Variants in SVEP1 observed in about 807,000 individuals in gnomAD.
SVEP1 encodes sushi, von Willebrand factor type A, EGF and pentraxin domain containing 1.
In SVEP1, 164 loss-of-function variants were observed where a neutral mutation model predicts 367.3. The ratio of observed to expected loss-of-function variants is 0.45; its 90% confidence interval spans 0.39 to 0.51. The LOEUF is 0.51. Ranked by LOEUF, SVEP1 falls within the 20% of genes least tolerant of loss-of-function variation. The pLI is 0.00. For synonymous variants in SVEP1, 1,666 were observed against 1,611.6 expected (o/e 1.03, Z -0.81); for missense variants, 4,117 against 4,425.3 (o/e 0.93, Z 1.98).
intron 8 of SVEP1, among the ~76,000 whole-genome samples, chr9:110,490,959 G>C (rs1315543118): frequency 6.6e-6 from 1 of 151,828 alleles, no homozygotes. Context: ...AATAAGATTA[G>C]AAAGCTACTC....
rs756194002 is a variant in SVEP1 at position 110,406,342 on chromosome 9, T to C, written c.9258A>G (p.Ile3086Met). 9 of 1,613,924 alleles carry C rather than the reference T, an allele frequency of 5.6e-6. No individual in the cohort carries two copies. In the Admixed American group the frequency reaches 1.5e-4, roughly 27 times the overall value. Residue 3086 changes from isoleucine to methionine, a missense_variant, in exon 38 of 48, where the codon ATA becomes ATG. Around this residue, in one of 4 missense-constraint regions of SVEP1, gnomAD observed 1,765 missense variants for 1,781.1 expected, o/e 0.99. Coordinates refer to ENST00000374469, the MANE Select transcript of SVEP1 (RefSeq NM_153366.4). ...CATATCCAGACCTGCAGCTGTAAGT[T>C]ATCACATTTTCCTTCCAAGAGCTGG... Reference protein sequence around the residue: ...SETSSWKENVITYSCRSGYVI... With the variant: ...SETSSWKENVMTYSCRSGYVI...
At chr9:110,489,824 C>A (rs368998804) in intron 8 of SVEP1, 45 bp from the exon 9 acceptor site, 4 of 1,562,850 alleles carry the variant, frequency 2.6e-6, no homozygotes, top group South Asian at 1.2e-5. Context: ...GTCAAAAGTG[C>A]GTTTATTCTT....
chr9:110,511,137 A>C (rs1445709513), intron 5 of SVEP1, among the ~76,000 whole-genome samples: 1 of 152,234 alleles, frequency 6.6e-6, no homozygotes, highest in African/African-American at 2.4e-5. Context: ...TAGGGCATTC[A>C]GAAAATTCAC....
rs1434913238 is a variant in SVEP1 at position 110,541,728 on chromosome 9, AATCTATATACATATCTACATAC to A, written c.964+4365_964+4386del. Reference sequence around the variant, plus strand: ...GTTTTGCATACACATACACACATGCAATCTATATACATATCTACATACATCTATATACATAGATATCTATATA... The same window carrying A: ...GTTTTGCATACACATACACACATGCAATCTATATACATAGATATCTATATA... On this transcript the variant is annotated intron_variant, in intron 3 of 47. Coordinates refer to ENST00000374469, the MANE Select transcript of SVEP1 (RefSeq NM_153366.4). 1.1e-4 allele frequency among the ~76,000 whole-genome samples: 17 copies of A among 150,782 alleles called. No individual in the cohort carries two copies. The East Asian group carries it at 1.9e-3, about 17-fold the overall frequency.
At chr9:110,508,504 G>A (rs1266316557) in intron 5 of SVEP1, among the ~76,000 whole-genome samples, 4 of 152,118 alleles carry the variant, frequency 2.6e-5, no homozygotes, top group Non-Finnish European at 5.9e-5. Flanking sequence ...GCTCACGCCT[G>A]TAATCCCGGC....
chr9:110,408,818 G>A lies in SVEP1; in HGVS notation c.6782C>T (p.Pro2261Leu). The change falls in exon 38 of 48, where the codon CCT (proline) becomes CTT (leucine). Residue 2261 changes from proline (P) to leucine (L), a missense_variant. Pro to Leu is a moderately conservative substitution (Grantham distance 98, BLOSUM62 -3). Transcript: ENST00000374469. ...CGGGGGAGGTTTTCCACAGTCGAGA[G>A]GAACACACATCAGAGGGGATTCACT... ...WHSESPLMCV[P>L]LDCGKPPPIQ... 6.2e-7 allele frequency: 1 copy of A among 1,613,228 alleles called. No individual in the cohort carries two copies. Among genetic ancestry groups the A allele is most frequent in the Non-Finnish European group, 8.5e-7 (1 of 1,179,878 alleles).
At chr9:110,373,112 A>C (rs1225833524) in intron 46 of SVEP1, among the ~76,000 whole-genome samples, 1 of 152,204 alleles carries the variant, frequency 6.6e-6, no homozygotes, top group Non-Finnish European at 1.5e-5. Flanking sequence ...AGGGAGGGTG[A>C]GTCAAGAGTA....
intron 28 of SVEP1, among the ~76,000 whole-genome samples, chr9:110,435,610 C>A (rs1564142210): frequency 6.6e-6 from 1 of 152,118 alleles, no homozygotes; most frequent in Non-Finnish European, 1.5e-5. Context: ...GAATCCTACA[C>A]CTAGAATTCC....
intron 5 of SVEP1, among the ~76,000 whole-genome samples, chr9:110,511,841 A>G (rs1039744140): frequency 1.3e-5 from 2 of 152,124 alleles, no homozygotes; most frequent in Non-Finnish European, 2.9e-5. Context: ...GGATGCCAAG[A>G]AAAGACCAGA....
rs1170589289 is a variant in SVEP1 at position 110,513,027 on chromosome 9, G to C, written c.1202C>G (p.Ala401Gly). The C allele has an allele frequency of 1.2e-6, 2 of 1,613,902 alleles. No homozygotes were observed. Among genetic ancestry groups the C allele is most frequent in the African/African-American group, 1.3e-5 (1 of 74,930 alleles). The change falls in exon 5 of 48, where the codon GCC becomes GGC. Residue 401 changes from alanine (A) to glycine (G), a missense_variant. By Grantham distance (60) the Ala-to-Gly change is moderately conservative. This residue lies in a region of SVEP1 where 2,174 missense variants were observed against 2,494.3 expected (regional missense o/e 0.87). Transcript: ENST00000374469. ...QNTCNNHFNA[A>G]CGVRCHPGFD... ...TCCAGGGTGACATCGGACCCCACAG[G>C]CTGCATTGAAGTGGTTGTTGCAAGT... is the stretch of plus-strand genomic sequence containing the variant.
At chr9:110,560,901 C>T (rs1820662695) in intron 1 of SVEP1, among the ~76,000 whole-genome samples, 1 of 152,160 alleles carries the variant, frequency 6.6e-6, no homozygotes, top group Non-Finnish European at 1.5e-5. Flanking sequence ...TGAAGCTGTT[C>T]TTCTTTCGAA....
At chr9:110,424,798 C>A (rs1828227734) in intron 36 of SVEP1, among the ~76,000 whole-genome samples, 1 of 152,164 alleles carries the variant, frequency 6.6e-6, no homozygotes, top group Non-Finnish European at 1.5e-5. Flanking sequence ...CCTCAGCCTC[C>A]CGAGTAGCTG....
chr9:110,498,238 G>A (rs908498995), intron 7 of SVEP1, among the ~76,000 whole-genome samples: 3 of 152,188 alleles, frequency 2.0e-5, no homozygotes, highest in African/African-American at 7.2e-5. Context: ...GTCAAAGTAT[G>A]CCAACCCAAC....
At chr9:110,429,873 A>G (rs762023433) in intron 34 of SVEP1, 47 bp downstream of exon 34, 5 of 1,508,926 alleles carry the variant, frequency 3.3e-6, no homozygotes, top group Non-Finnish European at 3.7e-6. Flanking sequence ...CACTACCAGT[A>G]TGCCATCAAC....
intron 27 of SVEP1, among the ~76,000 whole-genome samples, chr9:110,437,366 C>A (rs1234011618): frequency 6.6e-6 from 1 of 152,216 alleles, no homozygotes; most frequent in Non-Finnish European, 1.5e-5. Flanking sequence ...TTACAACCAT[C>A]TGTTGTTGCT....
intron 2 of SVEP1, among the ~76,000 whole-genome samples, chr9:110,548,290 G>A (rs1588103591): frequency 6.6e-6 from 1 of 152,136 alleles, no homozygotes; most frequent in East Asian, 1.9e-4. Flanking sequence ...TTTTAAAGGA[G>A]AGAAAACTGA....
intron 1 of SVEP1, among the ~76,000 whole-genome samples, chr9:110,550,629 C>A (rs1462590498): frequency 6.6e-6 from 1 of 152,064 alleles, no homozygotes; most frequent in Non-Finnish European, 1.5e-5. Flanking sequence ...TAATGGCTGA[C>A]CTGCTTCCTA....
chr9:110,377,214 G>A, intron 45 of SVEP1, 57 bp downstream of exon 45: 1 of 1,521,368 alleles, frequency 6.6e-7, no homozygotes, highest in South Asian at 1.1e-5. Flanking sequence ...CTCCCCTCAG[G>A]TGGGAGCATC....
At chr9:110,552,298 G>A (rs150751586) in intron 1 of SVEP1, among the ~76,000 whole-genome samples, 157 of 152,052 alleles carry the variant, frequency 1.0e-3, no homozygotes, top group African/African-American at 3.5e-3. Flanking sequence ...CCAAAGTGCT[G>A]GGATTACAGG....
Sources: gnomAD v4.1 joint callset for allele counts (sites outside exome capture counted in the v4.1 genomes callset) on GRCh38, gnomAD v4.1.1 for gene constraint, gnomAD v4.1.1 regional missense constraint, MANE v1.5 for transcripts, NCBI Gene and HGNC (gene_info 2026-07-23, HGNC 2026-07-21) for gene names.